Variants in MMP26 observed in about 807,000 individuals in gnomAD.
The protein encoded by MMP26 is matrix metallopeptidase 26, also known as matrix metalloproteinase-26.
MMP26 carries 33 observed loss-of-function variants against 31.0 expected under a neutral mutation model. That is an observed-to-expected ratio of 1.06 (90% CI 0.81 to 1.42). MMP26 has a LOEUF of 1.42. MMP26 is among the 40% of genes most tolerant of loss of function. The pLI is 0.00. For synonymous variants in MMP26, 122 were observed against 114.9 expected (o/e 1.06, Z -0.40); for missense variants, 347 against 316.1 (o/e 1.10, Z -0.74).
intron 2 of MMP26, among the ~76,000 whole-genome samples, chr11:4,815,811 C>T (rs887911863): frequency 6.6e-6 from 1 of 152,130 alleles, no homozygotes; most frequent in Non-Finnish European, 1.5e-5. Flanking sequence ...GAACGTTGCA[C>T]AAAATATGGC....
At chr11:4,849,378 C>A in intron 2 of MMP26, 2 of 648,158 alleles carry the variant, frequency 3.1e-6, no homozygotes, top group South Asian at 3.9e-5. Flanking sequence ...TGTGCACGCA[C>A]CCATCCTAAT....
intron 1 of MMP26, among the ~76,000 whole-genome samples, chr11:4,734,048 A>G (rs1265230873): frequency 6.6e-6 from 1 of 152,074 alleles, no homozygotes; most frequent in African/African-American, 2.4e-5. Context: ...TCCTTTTTAT[A>G]TGTTGCTGGA....
chr11:4,794,329 C>G (rs771673412), intron 2 of MMP26: 1 of 152,090 alleles, frequency 6.6e-6, no homozygotes, highest in Admixed American at 6.5e-5. Flanking sequence ...ACAATAGATA[C>G]GAGGCTTTTA....
intron 2 of MMP26, among the ~76,000 whole-genome samples, chr11:4,779,117 C>A (rs1419892520): frequency 6.6e-6 from 1 of 151,922 alleles, no homozygotes; most frequent in Non-Finnish European, 1.5e-5. Flanking sequence ...TGCCTCATTT[C>A]AATTCTTAAG....
intron 2 of MMP26, among the ~76,000 whole-genome samples, chr11:4,897,865 T>G (rs942701009): frequency 1.3e-5 from 2 of 150,736 alleles, no homozygotes; most frequent in Non-Finnish European, 3.0e-5. Flanking sequence ...CTATATGTTG[T>G]AATTCTTAAA....
intron 2 of MMP26, chr11:4,821,355 G>C: frequency 2.6e-6 from 4 of 1,536,200 alleles, no homozygotes; most frequent in Non-Finnish European, 3.6e-6. Flanking sequence ...GATGTTACAA[G>C]TGATAAACTA....
At chr11:4,925,464 T>A (rs1851256796) in intron 2 of MMP26, among the ~76,000 whole-genome samples, 2 of 151,908 alleles carry the variant, frequency 1.3e-5, no homozygotes, top group East Asian at 3.9e-4. Context: ...AGAGACCGAG[T>A]CCAGTTTGGA....
intron 1 of MMP26, among the ~76,000 whole-genome samples, chr11:4,742,187 A>C (rs1848323565): frequency 6.6e-6 from 1 of 152,248 alleles, no homozygotes; most frequent in Admixed American, 6.5e-5. Flanking sequence ...TGTACTGTAC[A>C]TCTACTGTGG....
intron 2 of MMP26, among the ~76,000 whole-genome samples, chr11:4,983,459 G>A (rs1846843490): frequency 6.6e-6 from 1 of 152,132 alleles, no homozygotes; most frequent in South Asian, 2.1e-4. Context: ...CTTTACCTGA[G>A]TAACAGAAAA....
chr11:4,801,502 CTTTTTATTTATT>C (rs915770015), intron 2 of MMP26, among the ~76,000 whole-genome samples: 1 of 137,962 alleles, frequency 7.2e-6, no homozygotes, highest in African/African-American at 2.7e-5. Flanking sequence ...AGGTCCCGGA[CTTTTTATTTATT>C]TATTTATTTA....
chr11:4,904,354 TA>T (rs1850850419), intron 2 of MMP26, among the ~76,000 whole-genome samples: 2 of 152,108 alleles, frequency 1.3e-5, no homozygotes, highest in Non-Finnish European at 2.9e-5. Context: ...CCTTAAAGAA[TA>T]GCAATTCTAA....
At chr11:4,820,704 C>T (rs747364161) in intron 2 of MMP26, among the ~76,000 whole-genome samples, 2 of 152,010 alleles carry the variant, frequency 1.3e-5, no homozygotes, top group Non-Finnish European at 2.9e-5. Flanking sequence ...TGGTTTCTCT[C>T]AACATTTAGG....
intron 2 of MMP26, chr11:4,946,044 T>C: frequency 1.1e-6 from 1 of 883,204 alleles, no homozygotes; most frequent in Non-Finnish European, 1.7e-6. Flanking sequence ...ATAAAATAAC[T>C]CTATGACAAC....
chr11:4,917,044 T>G (rs570850122), intron 2 of MMP26, among the ~76,000 whole-genome samples: 27 of 152,220 alleles, frequency 1.8e-4, no homozygotes, highest in Non-Finnish European at 3.1e-4. Context: ...CCATTCTCAA[T>G]TAATATCACT....
intron 2 of MMP26, chr11:4,944,026 G>A (rs1049628433): frequency 1.4e-5 from 6 of 427,674 alleles, no homozygotes; most frequent in African/African-American, 6.2e-5. Flanking sequence ...GGGAGAATAT[G>A]AGCTTCTATT....
chr11:4,729,622 A>G (rs896368502), intron 1 of MMP26, among the ~76,000 whole-genome samples: 1 of 152,200 alleles, frequency 6.6e-6, no homozygotes, highest in African/African-American at 2.4e-5. Context: ...AATAGGGGAA[A>G]TAAACGGATT....
intron 1 of MMP26, among the ~76,000 whole-genome samples, chr11:4,764,308 C>T (rs982997204): frequency 6.6e-6 from 1 of 152,084 alleles, no homozygotes; most frequent in Non-Finnish European, 1.5e-5. Context: ...TAAAACATGT[C>T]ATTAATTAAA....
chr11:4,955,815 GA>G, intron 2 of MMP26: 3 of 935,462 alleles, frequency 3.2e-6, no homozygotes, highest in East Asian at 2.5e-5. Context: ...AAATTTAGTA[GA>G]AAAAAAGCAG....
chr11:4,970,442 C>G (rs907933596), intron 2 of MMP26, among the ~76,000 whole-genome samples: 1 of 152,122 alleles, frequency 6.6e-6, no homozygotes, highest in African/African-American at 2.4e-5. Context: ...TTCAGTTAAC[C>G]CTTTCCCCCT....
Sources: gnomAD v4.1 joint callset for allele counts (sites outside exome capture counted in the v4.1 genomes callset) on GRCh38, gnomAD v4.1.1 for gene constraint, MANE v1.5 for transcripts, NCBI Gene and HGNC (gene_info 2026-07-23, HGNC 2026-07-21) for gene names.